The following CNST variants were observed in gnomAD, a reference collection of about 807,000 sequenced individuals.
The protein encoded by CNST is consortin.
CNST carries 39 observed loss-of-function variants against 72.4 expected under a neutral mutation model. That is an observed-to-expected ratio of 0.54 (90% CI 0.42 to 0.70). The LOEUF (loss-of-function observed/expected upper bound fraction) is 0.70, where lower values mean the gene tolerates loss of function less well. CNST is among the 30% of genes least tolerant of loss of function. The pLI is 0.00. For missense variants in CNST, 871 were observed against 868.5 expected, an observed-to-expected ratio of 1.00 and a Z score of -0.04; for synonymous variants, 332 against 320.1, an observed-to-expected ratio of 1.04 and a Z score of -0.40.
At chr1:246,664,263 G>T (rs1439552233) in intron 10 of CNST, among the ~76,000 whole-genome samples, 2 of 152,088 alleles carry the variant, frequency 1.3e-5, no homozygotes, top group East Asian at 1.9e-4. Flanking sequence ...AAACCCTGCT[G>T]CAGTGAACAA....
In CNST at chr1:246,647,297, A is replaced by C. The variant is rs753946956; in HGVS notation, c.1096A>C (p.Ser366Arg). 2 of 1,614,168 alleles carry C rather than the reference A, an allele frequency of 1.2e-6. No homozygotes were observed. The highest frequency in any genetic ancestry group is 1.6e-4 in the Middle Eastern group (1 of 6,062). The change falls in exon 9 of 11, where the codon AGC (serine) becomes CGC (arginine). Residue 366 changes from serine (S) to arginine (R), a missense_variant. Physicochemically the swap from Ser to Arg is moderately radical, Grantham distance 110. Transcript: ENST00000366513. ...GGACCACATGGAGGAGCTGCTCTGC[A>C]GCGCTGAAGCCACGTTAGCGCTCCA... Reference protein sequence around the residue: ...GKDHMEELLCSAEATLALHTQ... With the variant: ...GKDHMEELLCRAEATLALHTQ...
chr1:246,659,086 G>T (rs1452825860), intron 9 of CNST, among the ~76,000 whole-genome samples: 1 of 152,200 alleles, frequency 6.6e-6, no homozygotes, highest in Admixed American at 6.5e-5. Flanking sequence ...GAGATATTAG[G>T]CAGCAGACTT....
At position 246,633,906 on chromosome 1, in the gene CNST, C is replaced by T. The variant is rs187976337; in HGVS notation, c.617-18C>T. 890 of 1,534,012 alleles carry T rather than the reference C, an allele frequency of 5.8e-4. 3 individuals are homozygous for T. In the African/African-American group the frequency reaches 0.012, roughly 20 times the overall value. On this transcript the variant is annotated intron_variant, in intron 4 of 10. Coordinates refer to ENST00000366513, the MANE Select transcript of CNST (RefSeq NM_152609.3). ...GTAAATAGTGTGGATTTCTATTTTCCTTAAATGTTCTATTCAGATGAGAAA... is the reference window on the plus strand; with the variant it reads ...GTAAATAGTGTGGATTTCTATTTTCTTTAAATGTTCTATTCAGATGAGAAA...
At chr1:246,627,931 A>ATATATATATATATATATAACTCAT (rs1553379993) in intron 3 of CNST, among the ~76,000 whole-genome samples, 1 of 147,520 alleles carries the variant, frequency 6.8e-6, no homozygotes, top group African/African-American at 2.5e-5. Flanking sequence ...TATATATATA[A>ATATATATATATATATATAACTCAT]AGGGGAGTTT....
chr1:246,624,115 A>G (rs1664267817), intron 3 of CNST, among the ~76,000 whole-genome samples: 1 of 152,194 alleles, frequency 6.6e-6, no homozygotes, highest in South Asian at 2.1e-4. Context: ...AGGAAAATGT[A>G]TACTTTTACA....
intron 2 of CNST, chr1:246,606,042 A>C (rs1436745292): frequency 6.6e-6 from 1 of 152,198 alleles, no homozygotes. Context: ...GACTTTCTCC[A>C]TAACTACTTC....
At chr1:246,596,562 G>A (rs1661901604) in intron 2 of CNST, among the ~76,000 whole-genome samples, 1 of 152,136 alleles carries the variant, frequency 6.6e-6, no homozygotes, top group Non-Finnish European at 1.5e-5. Context: ...TTTTTAAACA[G>A]TTTTATTAAG....
intron 3 of CNST, among the ~76,000 whole-genome samples, chr1:246,623,649 C>T (rs1290234095): frequency 6.6e-6 from 1 of 152,084 alleles, no homozygotes; most frequent in Non-Finnish European, 1.5e-5. Flanking sequence ...GTAGTCCCAG[C>T]TACTCGAGAG....
At chr1:246,600,259 T>C (rs536776458) in intron 2 of CNST, among the ~76,000 whole-genome samples, 2 of 152,262 alleles carry the variant, frequency 1.3e-5, no homozygotes, top group South Asian at 2.1e-4. Flanking sequence ...TAGTAGAGAG[T>C]AGAGCAGTAG....
chr1:246,619,407 A>G (rs1268252593), intron 2 of CNST, among the ~76,000 whole-genome samples: 1 of 152,250 alleles, frequency 6.6e-6, no homozygotes, highest in Non-Finnish European at 1.5e-5. Flanking sequence ...TAATCACTGT[A>G]GGTGATTTTT....
At position 246,665,774 on chromosome 1, in the gene CNST, A is replaced by G. The variant is rs1229198019; in HGVS notation, c.2047A>G (p.Thr683Ala). The G allele has an allele frequency of 2.5e-6, 4 of 1,613,950 alleles. No individual in the cohort carries two copies. The Admixed American group carries it at 5.0e-5, about 20-fold the overall frequency. Residue 683 changes from threonine (T) to alanine (A), a missense_variant, in exon 11 of 11, where the codon ACT becomes GCT. By Grantham distance (58) the Thr-to-Ala change is moderately conservative. Transcript: ENST00000366513. ...IATVFLSVGG[T>A]ALYCTFGDME... Reference sequence around the variant, plus strand: ...AACGGTTTTCCTCAGTGTTGGAGGAACTGCATTATACTGCACTTTCGGTGA... The same window carrying G: ...AACGGTTTTCCTCAGTGTTGGAGGAGCTGCATTATACTGCACTTTCGGTGA...
intron 2 of CNST, among the ~76,000 whole-genome samples, chr1:246,601,362 G>C (rs1662278629): frequency 6.6e-6 from 1 of 152,114 alleles, no homozygotes; most frequent in Non-Finnish European, 1.5e-5. Flanking sequence ...GGGTAAAAAT[G>C]ATGATGAGCC....
rs548268389 is a variant in CNST at position 246,586,285 on chromosome 1, C to A, written c.-51-5227C>A. 2.1e-3 allele frequency among the ~76,000 whole-genome samples: 301 copies of A among 146,514 alleles called. 3 individuals are homozygous for A. Among genetic ancestry groups the A allele is most frequent in the African/African-American group, 7.1e-3 (287 of 40,228 alleles). ...AAAGCTATATATCTTTGATATATTT[C>A]TATATATAAGATACATATACAAGCT... is the stretch of plus-strand genomic sequence containing the variant. On this transcript the variant is annotated intron_variant, in intron 1 of 10. Transcript: ENST00000366513.
At chr1:246,584,771 C>A (rs763213072) in intron 1 of CNST, among the ~76,000 whole-genome samples, 1 of 152,166 alleles carries the variant, frequency 6.6e-6, no homozygotes, top group African/African-American at 2.4e-5. Context: ...TATATGCTCC[C>A]CAACTCCTTG....
In CNST at chr1:246,666,499, A is replaced by G. The variant is rs1667395635; in HGVS notation, c.*594A>G. 3 of 152,700 alleles carry G rather than the reference A, an allele frequency of 2.0e-5. No individual in the cohort carries two copies. Among genetic ancestry groups the G allele is most frequent in the African/African-American group, 7.2e-5 (3 of 41,468 alleles). 9.5% of individuals were successfully genotyped at this position (152,700 alleles called of 1,614,324 possible). A position where few individuals can be genotyped will look rare whatever the true frequency, so the allele number is the denominator to read the frequency against. On this transcript the variant is annotated 3_prime_UTR_variant, in exon 11 of 11. Transcript: ENST00000366513. ...TTAACATAAGCAAATACCCAACATC[A>G]CAAAGATGATCTTTCTTCTTTTAAC...
In CNST at chr1:246,657,273, C is replaced by G. The variant is rs1005881720; in HGVS notation, c.1837-2926C>G. Among the ~76,000 whole-genome samples the G allele has an allele frequency of 3.3e-5, 5 of 152,282 alleles. No individual in the cohort carries two copies. The South Asian group carries it at 6.2e-4, about 19-fold the overall frequency. ...CTGAGAGTGCCTCCTTGGCCTGCATCTCTTATGCATAAGCTTGGCCCACCG... is the reference window on the plus strand; with the variant it reads ...CTGAGAGTGCCTCCTTGGCCTGCATGTCTTATGCATAAGCTTGGCCCACCG... On this transcript the variant is annotated intron_variant, in intron 9 of 10. Transcript: ENST00000366513.
At chr1:246,575,469 C>G (rs1048987770) in intron 1 of CNST, among the ~76,000 whole-genome samples, 4 of 152,076 alleles carry the variant, frequency 2.6e-5, no homozygotes, top group African/African-American at 7.2e-5. Flanking sequence ...TTGCAATAGA[C>G]CGCATATTGT....
At chr1:246,575,633 G>A (rs1415000109) in intron 1 of CNST, among the ~76,000 whole-genome samples, 1 of 152,062 alleles carries the variant, frequency 6.6e-6, no homozygotes, top group East Asian at 1.9e-4. Context: ...GATCTTTTCG[G>A]GGTGATAAGA....
At chr1:246,633,668 G>A (rs190260315) in intron 4 of CNST, among the ~76,000 whole-genome samples, 158 of 151,048 alleles carry the variant, frequency 1.0e-3, no homozygotes, top group Non-Finnish European at 1.8e-3. Flanking sequence ...GCTTGAACCC[G>A]GGAGGTGGAG....
Sources: allele counts gnomAD v4.1 joint callset (sites outside exome capture counted in the v4.1 genomes callset), GRCh38; gene constraint gnomAD v4.1.1; transcripts MANE v1.5; gene names NCBI Gene and HGNC (gene_info 2026-07-23, HGNC 2026-07-21).